PIP4P2: variants seen among roughly 807,000 people sequenced by gnomAD.
The protein encoded by PIP4P2 is phosphatidylinositol-4,5-bisphosphate 4-phosphatase 2, also known as type 2 phosphatidylinositol 4,5-bisphosphate 4-phosphatase.
Under a neutral mutation model 33.3 loss-of-function variants are expected in PIP4P2, and 19 were observed. The ratio of observed to expected loss-of-function variants is 0.57; its 90% CI spans 0.40 to 0.84. The LOEUF is 0.84. PIP4P2 is among the 40% of genes least tolerant of loss of function. The pLI is 0.00. For synonymous variants in PIP4P2, 110 were observed against 111.9 expected (o/e 0.98, Z 0.11); for missense variants, 270 against 324.7 (o/e 0.83, Z 1.29).
At chr8:91,006,981 G>T (rs1442023294) in intron 5 of PIP4P2, among the ~76,000 whole-genome samples, 5 of 151,948 alleles carry the variant, frequency 3.3e-5, no homozygotes, top group African/African-American at 9.7e-5. Context: ...AAAAAAAGAA[G>T]TCTCTGCCTT....
chr8:91,040,835 C>A lies in PIP4P2; in HGVS notation c.-86G>T, dbSNP rs1171093927. 7 of 1,167,312 alleles carry A rather than the reference C, an allele frequency of 6.0e-6. No homozygotes were observed. Among genetic ancestry groups the A allele is most frequent in the Non-Finnish European group, 8.5e-6 (7 of 825,132 alleles). The allele number at this position is 1,167,312 out of a possible 1,614,324, so 72.3% of individuals were successfully genotyped here. ...TGGCTACTGCTGCTGCCTCTGCTGC[C>A]GCTGCTGCCGCTGCAGCTGCTGCTG... On this transcript the variant is annotated 5_prime_UTR_variant, in exon 1 of 7. Coordinates refer to ENST00000285419, the MANE Select transcript of PIP4P2 (RefSeq NM_018710.3).
chr8:91,008,400 T>A (rs943925893), intron 5 of PIP4P2, among the ~76,000 whole-genome samples: 1 of 152,004 alleles, frequency 6.6e-6, no homozygotes, highest in African/African-American at 2.4e-5. Context: ...ACAATTTGAG[T>A]TTTCTCCTAG....
intron 1 of PIP4P2, among the ~76,000 whole-genome samples, chr8:91,029,941 T>A (rs930546418): frequency 3.9e-5 from 6 of 152,120 alleles, no homozygotes; most frequent in Admixed American, 2.6e-4. Context: ...AACTCCAGCC[T>A]GGGCGACAGA....
intron 4 of PIP4P2, among the ~76,000 whole-genome samples, chr8:91,017,362 G>C (rs1274863692): frequency 6.6e-6 from 1 of 151,936 alleles, no homozygotes; most frequent in Non-Finnish European, 1.5e-5. Context: ...TCACGCCACT[G>C]TACTCCAGCC....
intron 1 of PIP4P2, among the ~76,000 whole-genome samples, chr8:91,028,208 T>C (rs1812108871): frequency 6.6e-6 from 1 of 152,202 alleles, no homozygotes; most frequent in Non-Finnish European, 1.5e-5. Context: ...TGTTGCTTGG[T>C]TGTATATCTT....
At chr8:91,004,004 TA>T (rs1270082188) in intron 5 of PIP4P2, among the ~76,000 whole-genome samples, 9 of 150,564 alleles carry the variant, frequency 6.0e-5, no homozygotes, top group South Asian at 4.2e-4. Context: ...GATAGATAGA[TA>T]GATAGATGAA....
At chr8:91,028,154 T>C (rs1414534161) in intron 1 of PIP4P2, among the ~76,000 whole-genome samples, 2 of 152,212 alleles carry the variant, frequency 1.3e-5, no homozygotes, top group South Asian at 2.1e-4. Flanking sequence ...CAGTGGCTAA[T>C]TGAAATTAGC....
At chr8:91,016,383 CAT>C (rs1332842245) in intron 4 of PIP4P2, among the ~76,000 whole-genome samples, 2 of 151,888 alleles carry the variant, frequency 1.3e-5, no homozygotes, top group Admixed American at 1.3e-4. Context: ...CTCACGAAGA[CAT>C]AGACTCATGA....
chr8:91,006,494 C>T (rs547345828), intron 5 of PIP4P2, among the ~76,000 whole-genome samples: 21 of 152,068 alleles, frequency 1.4e-4, no homozygotes, highest in African/African-American at 4.1e-4. Context: ...TGCCATTGTA[C>T]GAAAATAATT....
chr8:91,039,263 C>A (rs908480482), intron 1 of PIP4P2, among the ~76,000 whole-genome samples: 12 of 152,218 alleles, frequency 7.9e-5, no homozygotes, highest in African/African-American at 2.4e-4. Flanking sequence ...AGAGGAAATT[C>A]TCTTGCCTGG....
intron 5 of PIP4P2, among the ~76,000 whole-genome samples, chr8:91,007,927 G>A (rs752113286): frequency 2.6e-5 from 4 of 152,146 alleles, no homozygotes; most frequent in Non-Finnish European, 5.9e-5. Context: ...AGTCTCTAAT[G>A]AGCCTCCTGG....
chr8:91,005,599 C>T (rs1421575310), intron 5 of PIP4P2, among the ~76,000 whole-genome samples: 1 of 152,126 alleles, frequency 6.6e-6, no homozygotes, highest in African/African-American at 2.4e-5. Flanking sequence ...TTATTTCAAG[C>T]AATCAGTACT....
chr8:91,005,943 A>G (rs575306698), intron 5 of PIP4P2, among the ~76,000 whole-genome samples: 18 of 152,346 alleles, frequency 1.2e-4, no homozygotes, highest in African/African-American at 4.1e-4. Context: ...CCATAGTACC[A>G]GCTACCATTC....
intron 6 of PIP4P2, among the ~76,000 whole-genome samples, chr8:90,996,398 T>C (rs1423529018): frequency 1.3e-5 from 2 of 152,074 alleles, no homozygotes; most frequent in Non-Finnish European, 2.9e-5. Context: ...GGGCTTTTGC[T>C]AAATAGATGA....
intron 1 of PIP4P2, among the ~76,000 whole-genome samples, chr8:91,028,472 G>C (rs542247969): frequency 5.3e-5 from 8 of 152,314 alleles, no homozygotes; most frequent in Non-Finnish European, 8.8e-5. Flanking sequence ...ATTCCAGAGG[G>C]ACTCAAAGCG....
chr8:91,040,585 T>C (rs891368779), intron 1 of PIP4P2, 59 bp downstream of exon 1: 7 of 1,587,822 alleles, frequency 4.4e-6, no homozygotes, highest in Admixed American at 1.7e-5. Context: ...TTTATCCTTC[T>C]GGGCGTTTCC....
chr8:91,007,741 G>T (rs1811781497), intron 5 of PIP4P2, among the ~76,000 whole-genome samples: 1 of 152,154 alleles, frequency 6.6e-6, no homozygotes, highest in South Asian at 2.1e-4. Context: ...TTAGATTTGG[G>T]GAGAATTCCC....
intron 1 of PIP4P2, among the ~76,000 whole-genome samples, chr8:91,037,311 T>C (rs902119023): frequency 1.3e-5 from 2 of 152,204 alleles, no homozygotes; most frequent in Admixed American, 6.5e-5. Flanking sequence ...TTAAGTTCCT[T>C]GTATTTGTCA....
At chr8:91,005,850 T>C (rs1811756189) in intron 5 of PIP4P2, among the ~76,000 whole-genome samples, 2 of 152,226 alleles carry the variant, frequency 1.3e-5, no homozygotes, top group Non-Finnish European at 2.9e-5. Flanking sequence ...GTCCAAACTG[T>C]ATTTCAGAAT....
Sources: allele counts gnomAD v4.1 joint callset (sites outside exome capture counted in the v4.1 genomes callset), GRCh38; gene constraint gnomAD v4.1.1; transcripts MANE v1.5; gene names NCBI Gene and HGNC (gene_info 2026-07-23, HGNC 2026-07-21).